Variants in ETS1 observed in about 807,000 individuals in gnomAD.
ETS1 encodes protein C-ets-1.
Under a neutral mutation model 58.6 loss-of-function variants are expected in ETS1, and 15 were observed. That is an observed-to-expected ratio of 0.26 (90% CI 0.17 to 0.39). The LOEUF is 0.39. Ranked by LOEUF, ETS1 falls within the 10% of genes least tolerant of loss-of-function variation. The pLI, the probability that ETS1 is intolerant of heterozygous loss-of-function variation, is 1.00. For missense variants in ETS1, 417 were observed against 610.5 expected (o/e 0.68, Z 3.34); for synonymous variants, 214 against 218.2 (o/e 0.98, Z 0.17).
chr11:128,550,145 C>G (rs917174209), intron 3 of ETS1, among the ~76,000 whole-genome samples: 5 of 152,188 alleles, frequency 3.3e-5, no homozygotes, highest in Admixed American at 2.6e-4. Flanking sequence ...TAGCCAAGGC[C>G]GAAGGCCTGT....
chr11:128,506,025 A>G (rs894453036), intron 3 of ETS1, among the ~76,000 whole-genome samples: 2 of 152,170 alleles, frequency 1.3e-5, no homozygotes, highest in African/African-American at 4.8e-5. Flanking sequence ...AAGTCCCTTG[A>G]GATTGGGGAG....
intron 3 of ETS1, among the ~76,000 whole-genome samples, chr11:128,500,999 T>G (rs1318899779): frequency 6.6e-6 from 1 of 152,238 alleles, no homozygotes; most frequent in African/African-American, 2.4e-5. Context: ...TAAATCTGCC[T>G]TCTTATGAAT....
intron 2 of ETS1, among the ~76,000 whole-genome samples, chr11:128,565,062 T>A (rs865817406): frequency 2.5e-3 from 139 of 54,518 alleles, no homozygotes; most frequent in Non-Finnish European, 4.1e-3. Context: ...ATAAATAAAA[T>A]AAATGTGTTT....
At chr11:128,489,681 G>A (rs1273307132) in intron 4 of ETS1, among the ~76,000 whole-genome samples, 191 bp from the exon 5 acceptor site, 4 of 152,022 alleles carry the variant, frequency 2.6e-5, no homozygotes, top group Admixed American at 1.3e-4. Context: ...CAACATCTCC[G>A]CCTTCTCTAT....
In ETS1 at chr11:128,467,597, T is replaced by G. The variant is rs1379604860; in HGVS notation, c.1124-3970A>C. On this transcript the variant is annotated intron_variant, in intron 8 of 9. Coordinates refer to ENST00000392668, the MANE Select transcript of ETS1 (RefSeq NM_001143820.2). ...CTCTTCCACCTACCCAAATGGACTGTGGTCTCAGTGACCTTTGTCCCCTAG... is the reference window on the plus strand; with the variant it reads ...CTCTTCCACCTACCCAAATGGACTGGGGTCTCAGTGACCTTTGTCCCCTAG... Among the ~76,000 whole-genome samples, 3 of 152,154 alleles carry G rather than the reference T, an allele frequency of 2.0e-5. No individual in the cohort carries two copies. The East Asian group carries it at 5.8e-4, about 29-fold the overall frequency.
chr11:128,480,369 C>G lies in ETS1; in HGVS notation c.945G>C (p.Gln315His). The change falls in exon 8 of 10, where the codon CAG becomes CAC. Residue 315 changes from glutamine to histidine, a missense_variant. Gln to His is a conservative substitution (Grantham distance 24). Around this residue, in one of 4 missense-constraint regions of ETS1, gnomAD observed 139 missense variants for 152.1 expected, o/e 0.91. Transcript: ENST00000392668. ...CDRLTQSWSS[Q>H]SSFNSLQRVP... is the part of the protein sequence containing the mutation. ...CACGCTGCAGGCTGTTGAAAGATGACTGGCTGCTCCAGGACTGGGTGAGGC... is the reference window on the plus strand; with the variant it reads ...CACGCTGCAGGCTGTTGAAAGATGAGTGGCTGCTCCAGGACTGGGTGAGGC... 6.2e-7 allele frequency: 1 copy of G among 1,614,116 alleles called. No individual in the cohort carries two copies. The highest frequency in any genetic ancestry group is 8.5e-7 in the Non-Finnish European group (1 of 1,179,998).
At chr11:128,477,340 G>T (rs556694744) in intron 8 of ETS1, among the ~76,000 whole-genome samples, 1 of 152,186 alleles carries the variant, frequency 6.6e-6, no homozygotes, top group Non-Finnish European at 1.5e-5. Context: ...GCAATAAAAT[G>T]TATTGCCAAC....
intron 2 of ETS1, among the ~76,000 whole-genome samples, chr11:128,568,635 G>C (rs781369921): frequency 6.6e-6 from 1 of 152,186 alleles, no homozygotes; most frequent in African/African-American, 2.4e-5. Context: ...GAAACCATGA[G>C]TCCTGCTTTT....
intron 1 of ETS1, among the ~76,000 whole-genome samples, chr11:128,577,869 T>C (rs1864782568): frequency 6.6e-6 from 1 of 151,546 alleles, no homozygotes; most frequent in Non-Finnish European, 1.5e-5. Flanking sequence ...GCAGCTGATG[T>C]TCAAGCAGTT....
intron 3 of ETS1, among the ~76,000 whole-genome samples, chr11:128,507,061 G>T (rs990273645): frequency 1.3e-5 from 2 of 152,102 alleles, no homozygotes; most frequent in Non-Finnish European, 2.9e-5. Context: ...GTGTGGGGGC[G>T]GTGAAGGCTC....
chr11:128,513,088 A>C (rs1565390604), intron 3 of ETS1, among the ~76,000 whole-genome samples: 1 of 152,170 alleles, frequency 6.6e-6, no homozygotes, highest in East Asian at 1.9e-4. Flanking sequence ...CCATTTCCCC[A>C]ATGGTGAGCT....
chr11:128,486,015 G>T (rs534499983), intron 6 of ETS1, 54 bp downstream of exon 6: 2 of 1,052,042 alleles, frequency 1.9e-6, no homozygotes, highest in South Asian at 1.3e-5. Context: ...TGAGATAGGG[G>T]TCTTTTCCTA....
At chr11:128,500,077 G>A (rs563390412) in intron 3 of ETS1, among the ~76,000 whole-genome samples, 3 of 152,326 alleles carry the variant, frequency 2.0e-5, no homozygotes, top group African/African-American at 7.2e-5. Flanking sequence ...AGGGCAGAAG[G>A]AAGAAAGGCT....
At chr11:128,504,639 T>A (rs1381395382) in intron 3 of ETS1, among the ~76,000 whole-genome samples, 2 of 152,164 alleles carry the variant, frequency 1.3e-5, no homozygotes, top group African/African-American at 2.4e-5. Flanking sequence ...CAAGGTGACA[T>A]CAACTTGCCT....
At chr11:128,503,425 T>C (rs1249037800) in intron 3 of ETS1, among the ~76,000 whole-genome samples, 4 of 152,164 alleles carry the variant, frequency 2.6e-5, no homozygotes, top group Admixed American at 1.3e-4. Flanking sequence ...GTCAAGATGC[T>C]CAGGGTCCAG....
intron 1 of ETS1, among the ~76,000 whole-genome samples, chr11:128,585,181 AG>A (rs1864993036): frequency 6.7e-5 from 4 of 59,420 alleles, no homozygotes; most frequent in African/African-American, 3.6e-4. Context: ...AAAGAAAGAA[AG>A]AAAGAAGGAA....
chr11:128,554,919 T>A (rs149840540), intron 3 of ETS1, among the ~76,000 whole-genome samples: 62 of 152,332 alleles, frequency 4.1e-4, no homozygotes, highest in African/African-American at 1.4e-3. Context: ...TTTTTAGTCC[T>A]TAAGTCTGAC....
chr11:128,579,866 C>T (rs1209454291), intron 1 of ETS1, among the ~76,000 whole-genome samples: 1 of 152,060 alleles, frequency 6.6e-6, no homozygotes, highest in Non-Finnish European at 1.5e-5. Flanking sequence ...TCTCCTCTTT[C>T]AGGAAGCTTT....
At chr11:128,501,494 C>T (rs1218486516) in intron 3 of ETS1, among the ~76,000 whole-genome samples, 2 of 152,190 alleles carry the variant, frequency 1.3e-5, no homozygotes, top group East Asian at 3.8e-4. Flanking sequence ...TGTTTCGATC[C>T]ATGTTTCTAA....
Sources: gnomAD v4.1 joint callset for allele counts (sites outside exome capture counted in the v4.1 genomes callset) on GRCh38, gnomAD v4.1.1 for gene constraint, gnomAD v4.1.1 regional missense constraint, MANE v1.5 for transcripts, NCBI Gene and HGNC (gene_info 2026-07-23, HGNC 2026-07-21) for gene names.